FPR3: variants seen among roughly 807,000 people sequenced by gnomAD.
The protein encoded by FPR3 is formyl peptide receptor 3.
For synonymous variants in FPR3, 135 were observed against 163.6 expected (o/e 0.83, Z 1.34); for missense variants, 346 against 443.2 (o/e 0.78, Z 1.97).
rs1022680930 is a variant in FPR3, at chr19:51,824,985, C to T, written c.*175C>T. The T allele has an allele frequency of 5.0e-6, 3 of 600,704 alleles. No individual in the cohort carries two copies. The highest frequency in any genetic ancestry group is 3.7e-5 in the African/African-American group (2 of 53,598). The allele number at this position is 600,704 out of a possible 1,614,324, so 37.2% of individuals were successfully genotyped here. On this transcript the variant is annotated 3_prime_UTR_variant, in exon 2 of 2. Coordinates refer to ENST00000339223, the MANE Select transcript of FPR3 (RefSeq NM_002030.5). This position sits in a 1 kb window ranked among gnomAD's most constrained non-coding sequence, Gnocchi z 4.7. ...CCCACAACCAAGCAATAGACACCAG[C>T]TGGGTGTCCTACAATTAAATTCCAA... is the stretch of plus-strand genomic sequence containing the variant.
intron 1 of FPR3, among the ~76,000 whole-genome samples, chr19:51,802,710 G>C (rs1165424712): frequency 6.6e-6 from 1 of 152,048 alleles, no homozygotes; most frequent in Non-Finnish European, 1.5e-5. Flanking sequence ...TCACCTTTTT[G>C]TATCTTTCTC....
intron 1 of FPR3, among the ~76,000 whole-genome samples, chr19:51,810,157 T>C (rs2122442081): frequency 6.6e-6 from 1 of 152,336 alleles, no homozygotes; most frequent in Admixed American, 6.5e-5. Context: ...CTTGGCTCCT[T>C]TTAGATTTGT....
intron 1 of FPR3, among the ~76,000 whole-genome samples, chr19:51,822,397 G>A (rs2084196936): frequency 6.6e-6 from 1 of 152,180 alleles, no homozygotes; most frequent in South Asian, 2.1e-4. Context: ...GAACAAAATT[G>A]CGATTTGATT....
chr19:51,824,778 C>G lies in FPR3; in HGVS notation c.1030C>G (p.Pro344Ala). The change falls in exon 2 of 2, where the codon CCT becomes GCT. Residue 344 changes from proline (P) to alanine (A), a missense_variant. Coordinates refer to ENST00000339223, the MANE Select transcript of FPR3 (RefSeq NM_002030.5). The surrounding 1 kb of genome is among the most constrained non-coding windows in gnomAD (Gnocchi z 4.7). ...CAACACAGACACCACTTCTGCTTCA[C>G]CTCCTGAGGAGACGGAGTTACAAGC... ...TSNTDTTSAS[P>A]PEETELQAM 1 of 1,613,344 alleles carries G rather than the reference C, an allele frequency of 6.2e-7. No individual in the cohort carries two copies. Among genetic ancestry groups the G allele is most frequent in the Non-Finnish European group, 8.5e-7 (1 of 1,179,556 alleles).
chr19:51,815,469 A>G (rs1247604395), intron 1 of FPR3, among the ~76,000 whole-genome samples: 1 of 151,874 alleles, frequency 6.6e-6, no homozygotes, highest in Non-Finnish European at 1.5e-5. Context: ...CTGAGGCAGG[A>G]GAATTGCTTG....
chr19:51,820,664 C>A (rs2084181704), intron 1 of FPR3, among the ~76,000 whole-genome samples: 1 of 152,168 alleles, frequency 6.6e-6, no homozygotes, highest in African/African-American at 2.4e-5. Context: ...TAGAGAAAAT[C>A]TGAGTCTGTT....
chr19:51,801,565 G>C (rs935662522), intron 1 of FPR3, among the ~76,000 whole-genome samples: 1 of 152,188 alleles, frequency 6.6e-6, no homozygotes, highest in Non-Finnish European at 1.5e-5. Flanking sequence ...CAGATCACCT[G>C]AGGTCAAGAG....
In FPR3 at chr19:51,824,098, C is replaced by CGAT; in HGVS notation, c.350_351insGAT (p.Ile119dup). The CGAT allele has an allele frequency of 1.2e-6, 2 of 1,614,042 alleles. No homozygotes were observed. Among genetic ancestry groups the CGAT allele is most frequent in the Non-Finnish European group, 8.5e-7 (1 of 1,179,974 alleles). Reference sequence around the variant, plus strand: ...CTGTTTGTCAGTGTCTACCTGATCACCATCATTGCTCTGGACCGCTGTATT... The same window carrying CGAT: ...CTGTTTGTCAGTGTCTACCTGATCACGATCATCATTGCTCTGGACCGCTGTATT... On this transcript the variant is annotated inframe_insertion, in exon 2 of 2. Transcript: ENST00000339223. This position sits in a 1 kb window ranked among gnomAD's most constrained non-coding sequence, Gnocchi z 4.7.
intron 1 of FPR3, 37 bp from the exon 2 acceptor site, chr19:51,823,702 T>C: frequency 1.4e-6 from 2 of 1,460,224 alleles, no homozygotes; most frequent in Middle Eastern, 1.9e-4. Flanking sequence ...TAAGATGGTG[T>C]CACAGCTGAG....
In FPR3 at chr19:51,824,918, TCAA is replaced by T; in HGVS notation, c.*111_*113del. ...TTTCATACCACCACCACCACAATCA[TCAA>T]CATAAAGGAAGTCTGTACCAAATCT... On this transcript the variant is annotated 3_prime_UTR_variant, in exon 2 of 2. Coordinates refer to ENST00000339223, the MANE Select transcript of FPR3 (RefSeq NM_002030.5). The surrounding 1 kb of genome is among the most constrained non-coding windows in gnomAD (Gnocchi z 4.7). 1.1e-6 allele frequency: 1 copy of T among 871,308 alleles called. No individual in the cohort carries two copies. The highest frequency in any genetic ancestry group is 1.8e-6 in the Non-Finnish European group (1 of 567,964). 54.0% of individuals were successfully genotyped at this position (871,308 alleles called of 1,614,324 possible).
rs2122499160 is a variant in FPR3 at position 51,824,275 on chromosome 19, G to T, written c.527G>T (p.Cys176Phe). 6.2e-7 allele frequency: 1 copy of T among 1,614,180 alleles called. No homozygotes were observed. Residue 176 changes from cysteine (C) to phenylalanine (F), a missense_variant, in exon 2 of 2, where the codon TGT becomes TTT. Transcript: ENST00000339223. The surrounding 1 kb of genome is among the most constrained non-coding windows in gnomAD (Gnocchi z 4.7). ...TISTTNGDTY[C>F]IFNFAFWGDT... ...AGTACTACGAATGGGGACACATACT[G>T]TATTTTCAACTTTGCATTCTGGGGT...
rs777424542 is a variant in FPR3, at chr19:51,823,710, G to A, written c.-10-29G>A. 7.3e-6 allele frequency: 11 copies of A among 1,501,556 alleles called. 1 individual carries two copies. The South Asian group carries it at 1.3e-4, about 18-fold the overall frequency. The allele number at this position is 1,501,556 out of a possible 1,614,324, so 93.0% of individuals were successfully genotyped here. ...TGTATTGTAAGATGGTGTCACAGCT[G>A]AGAAATGGCCATTGCTGAAATGTTT... On this transcript the variant is annotated intron_variant, in intron 1 of 1. Transcript: ENST00000339223.
At chr19:51,818,437 T>A (rs2084160732) in intron 1 of FPR3, among the ~76,000 whole-genome samples, 1 of 152,204 alleles carries the variant, frequency 6.6e-6, no homozygotes, top group Non-Finnish European at 1.5e-5. Context: ...GACACAGCAC[T>A]GAAAGAAGGT....
chr19:51,823,561 G>A lies in FPR3; in HGVS notation c.-10-178G>A, dbSNP rs554217676. Among the ~76,000 whole-genome samples, 62 of 152,216 alleles carry A rather than the reference G, an allele frequency of 4.1e-4. No homozygotes were observed. The East Asian group carries it at 0.012, about 29-fold the overall frequency. On this transcript the variant is annotated intron_variant, in intron 1 of 1. Transcript: ENST00000339223. ...GCATATTAATAATGATGGGAATATA[G>A]AGAACTATCGTTTCCCAAAGGAACT...
intron 1 of FPR3, among the ~76,000 whole-genome samples, chr19:51,799,037 G>A (rs900527334): frequency 6.6e-6 from 1 of 151,776 alleles, no homozygotes; most frequent in African/African-American, 2.4e-5. Context: ...AACCCAGGAG[G>A]CGAAGGTTGC....
chr19:51,797,508 C>T (rs1240052189), intron 1 of FPR3, among the ~76,000 whole-genome samples: 1 of 152,054 alleles, frequency 6.6e-6, no homozygotes, highest in Non-Finnish European at 1.5e-5. Context: ...TCTTTTATCC[C>T]TCACCACATC....
intron 1 of FPR3, among the ~76,000 whole-genome samples, chr19:51,804,612 C>A (rs1438888738): frequency 2.6e-5 from 4 of 152,162 alleles, no homozygotes; most frequent in Non-Finnish European, 5.9e-5. Context: ...ACTAACTTAA[C>A]TTCAACAACA....
rs535950292 is a variant in FPR3, at chr19:51,799,067, G to A, written c.-11+3736G>A. On this transcript the variant is annotated intron_variant, in intron 1 of 1. Transcript: ENST00000339223. ...GGTTGCAGTGAGCCGAGATCACACCGCTGCAGTCCAGCTGGGTGACAGAGG... is the reference window on the plus strand; with the variant it reads ...GGTTGCAGTGAGCCGAGATCACACCACTGCAGTCCAGCTGGGTGACAGAGG... 9.2e-5 allele frequency among the ~76,000 whole-genome samples: 14 copies of A among 152,188 alleles called. No homozygotes were observed. The South Asian group carries it at 1.5e-3, about 16-fold the overall frequency.
In FPR3 at chr19:51,823,779, GAAACTGAGGAGGTGCTCCCT is replaced by G. The variant is rs1466078397; in HGVS notation, c.32_51del (p.Glu11GlyfsTer54). 1 of 1,605,450 alleles carries G rather than the reference GAAACTGAGGAGGTGCTCCCT, an allele frequency of 6.2e-7. No individual in the cohort carries two copies. The highest frequency in any genetic ancestry group is 2.2e-5 in the East Asian group (1 of 44,796). On this transcript the variant is annotated frameshift_variant, in exon 2 of 2. Transcript: ENST00000339223. LOFTEE classifies it low-confidence loss of function (END_TRUNC). ...AACCAACTTCTCCATTCCTCTGAAT[GAAACTGAGGAGGTGCTCCCT>G]GAGCCTGCTGGCCACACCGTTCTGT...
Sources: allele counts gnomAD v4.1 joint callset (sites outside exome capture counted in the v4.1 genomes callset), GRCh38; gene constraint gnomAD v4.1.1; non-coding constraint Gnocchi (gnomAD v3.1); transcripts MANE v1.5; gene names NCBI Gene and HGNC (gene_info 2026-07-23, HGNC 2026-07-21).